Variants in CEP164 observed in about 807,000 individuals in gnomAD.
CEP164 encodes centrosomal protein 164, also known as centrosomal protein of 164 kDa.
Under a neutral mutation model 182.7 loss-of-function variants are expected in CEP164, and 162 were observed. The ratio of observed to expected loss-of-function variants is 0.89; its 90% CI spans 0.78 to 1.01. The LOEUF (loss-of-function observed/expected upper bound fraction) is 1.01. Among genes scored for constraint, CEP164 ranks in the 50% least tolerant of loss-of-function variants. The probability of loss-of-function intolerance (pLI) is 0.00; values close to 1 mark genes in which losing one functional copy is unlikely to be tolerated. For missense variants in CEP164, 1,735 were observed against 1,790.4 expected, an observed-to-expected ratio of 0.97 and a Z score of 0.56; for synonymous variants, 661 against 690.0, an observed-to-expected ratio of 0.96 and a Z score of 0.66.
At chr11:117,403,693 G>A (rs1194608898) in intron 27 of CEP164, among the ~76,000 whole-genome samples, 1 of 152,102 alleles carries the variant, frequency 6.6e-6, no homozygotes, top group Non-Finnish European at 1.5e-5. Context: ...GAATTTGAAT[G>A]TTGGCCTGTC....
At chr11:117,364,541 C>A (rs2041398082) in intron 8 of CEP164, among the ~76,000 whole-genome samples, 1 of 151,226 alleles carries the variant, frequency 6.6e-6, no homozygotes, top group Non-Finnish European at 1.5e-5. Flanking sequence ...TTGTGGGTGA[C>A]CCAAGTCTAG....
At chr11:117,336,591 T>C in intron 2 of CEP164, 1 of 1,470,962 alleles carries the variant, frequency 6.8e-7, no homozygotes, top group Non-Finnish European at 9.5e-7. Context: ...TGTTGGGGGA[T>C]ATGGATTTGG....
At chr11:117,399,568 C>T (rs1457292240) in intron 27 of CEP164, among the ~76,000 whole-genome samples, 1 of 152,196 alleles carries the variant, frequency 6.6e-6, no homozygotes, top group African/African-American at 2.4e-5. Context: ...CACTGTCTTC[C>T]ACAGTGGTTG....
chr11:117,353,100 G>A (rs1319563770), intron 5 of CEP164, among the ~76,000 whole-genome samples: 1 of 152,152 alleles, frequency 6.6e-6, no homozygotes, highest in Non-Finnish European at 1.5e-5. Flanking sequence ...CCTGGGGCAG[G>A]TGGGGCATGC....
chr11:117,322,406 G>T (rs1200819027), intron 1 of CEP164, among the ~76,000 whole-genome samples: 1 of 152,148 alleles, frequency 6.6e-6, no homozygotes, highest in East Asian at 1.9e-4. Flanking sequence ...GAGCCACCGC[G>T]CCCGGCCCAC....
chr11:117,405,424 G>T (rs2046565283), intron 27 of CEP164, among the ~76,000 whole-genome samples: 1 of 152,138 alleles, frequency 6.6e-6, no homozygotes, highest in Non-Finnish European at 1.5e-5. Flanking sequence ...CTGACCCCTT[G>T]TGCTTCGTGG....
intron 3 of CEP164, among the ~76,000 whole-genome samples, chr11:117,342,199 C>T (rs2038224279): frequency 1.3e-5 from 2 of 152,136 alleles, no homozygotes; most frequent in South Asian, 4.1e-4. Flanking sequence ...GTGACTGGTA[C>T]ATAGGAGGCA....
intron 27 of CEP164, among the ~76,000 whole-genome samples, chr11:117,403,755 A>G (rs913245626): frequency 2.0e-5 from 3 of 152,082 alleles, no homozygotes; most frequent in Non-Finnish European, 2.9e-5. Context: ...GCGTTTTCCA[A>G]CTTGATTCCA....
intron 23 of CEP164, 145 bp from the exon 24 acceptor site, chr11:117,395,402 C>T: frequency 9.5e-7 from 1 of 1,050,430 alleles, no homozygotes; most frequent in Non-Finnish European, 1.4e-6. Flanking sequence ...CTGCAGACCT[C>T]TTGACCTCAG....
intron 1 of CEP164, among the ~76,000 whole-genome samples, chr11:117,331,828 C>T (rs1403146087): frequency 6.6e-6 from 1 of 151,430 alleles, no homozygotes; most frequent in Non-Finnish European, 1.5e-5. Flanking sequence ...CTCACTGCAG[C>T]CTCGAACTCC....
intron 30 of CEP164, chr11:117,410,388 T>A: frequency 3.4e-6 from 1 of 292,704 alleles, no homozygotes; most frequent in African/African-American, 2.2e-5. Context: ...TTTATCCCCA[T>A]TTTACAGATG....
intron 12 of CEP164, 139 bp downstream of exon 12, chr11:117,380,844 G>T (rs2043237517): frequency 8.4e-6 from 6 of 713,940 alleles, no homozygotes; most frequent in South Asian, 7.1e-5. Context: ...GGATGGCCTT[G>T]CAGGGTCTGT....
intron 8 of CEP164, among the ~76,000 whole-genome samples, chr11:117,369,863 A>C (rs940051405): frequency 6.6e-6 from 1 of 152,202 alleles, no homozygotes; most frequent in South Asian, 2.1e-4. Context: ...TGAGGTTTGT[A>C]TGTGAGGAGC....
At position 117,338,636 on chromosome 11, in the gene CEP164, A is replaced by G. The variant is rs140963454; in HGVS notation, c.50A>G (p.Asp17Gly). The G allele has an allele frequency of 1.7e-5, 27 of 1,614,104 alleles. No individual in the cohort carries two copies. The highest frequency in any genetic ancestry group is 2.1e-5 in the Non-Finnish European group (25 of 1,179,968). The stretch of plus-strand genomic sequence containing the variant: ...GGAGATCAGCTGGTTCTGGAAGAAG[A>G]TTATGATGAGACCTACATTCCTAGT... ...RIGDQLVLEE[D>G]YDETYIPSEQ... The change falls in exon 3 of 33, where the codon GAT becomes GGT. Residue 17 changes from aspartate (D) to glycine (G), a missense_variant. Transcript: ENST00000278935.
At chr11:117,402,632 T>C (rs569131375) in intron 27 of CEP164, among the ~76,000 whole-genome samples, 23 of 152,340 alleles carry the variant, frequency 1.5e-4, no homozygotes, top group African/African-American at 5.3e-4. Context: ...CTTCCAATTA[T>C]GTGGTCAGTT....
intron 27 of CEP164, among the ~76,000 whole-genome samples, chr11:117,402,590 C>T (rs965186103): frequency 6.6e-6 from 1 of 152,146 alleles, no homozygotes; most frequent in Non-Finnish European, 1.5e-5. Flanking sequence ...GTTATGATTT[C>T]CGTTCTTTTG....
intron 27 of CEP164, among the ~76,000 whole-genome samples, chr11:117,402,926 CCTT>C (rs1379593177): frequency 6.6e-6 from 1 of 152,088 alleles, no homozygotes; most frequent in Non-Finnish European, 1.5e-5. Flanking sequence ...TATGTAATGC[CCTT>C]CTTTGTCTTT....
chr11:117,350,068 C>T (rs549843295), intron 4 of CEP164, among the ~76,000 whole-genome samples: 14 of 152,076 alleles, frequency 9.2e-5, no homozygotes, highest in African/African-American at 2.7e-4. Context: ...CCACCATGCC[C>T]GGCCAATTTT....
chr11:117,381,940 C>G, intron 13 of CEP164, 72 bp downstream of exon 13: 1 of 1,025,492 alleles, frequency 9.8e-7, no homozygotes, highest in Non-Finnish European at 1.3e-6. Context: ...GGTATGTGTG[C>G]TAGTGCTGAG....
Sources: gnomAD v4.1 joint callset for allele counts (sites outside exome capture counted in the v4.1 genomes callset) on GRCh38, gnomAD v4.1.1 for gene constraint, MANE v1.5 for transcripts, NCBI Gene and HGNC (gene_info 2026-07-23, HGNC 2026-07-21) for gene names.